TRIM27: variants seen among roughly 807,000 people sequenced by gnomAD.
TRIM27 encodes tripartite motif containing 27.
Under a neutral mutation model 57.6 loss-of-function variants are expected in TRIM27, and 12 were observed. The observed-to-expected ratio is 0.21, with a 90% confidence interval of 0.13 to 0.34. The LOEUF (loss-of-function observed/expected upper bound fraction) is 0.34. Among genes scored for constraint, TRIM27 ranks in the 10% least tolerant of loss-of-function variants. The pLI is 1.00. For synonymous variants in TRIM27, 266 were observed against 259.0 expected (o/e 1.03, Z -0.26); for missense variants, 403 against 656.8 (o/e 0.61, Z 4.22).
chr6:28,920,339 T>C (rs1015614958), intron 2 of TRIM27, 97 bp from the exon 3 acceptor site: 21 of 1,053,346 alleles, frequency 2.0e-5, no homozygotes, highest in African/African-American at 4.8e-5. Flanking sequence ...GACCTCATTA[T>C]GGATTAAAAC....
chr6:28,922,503 T>C (rs1774123665), intron 1 of TRIM27, among the ~76,000 whole-genome samples: 1 of 152,226 alleles, frequency 6.6e-6, no homozygotes, highest in African/African-American at 2.4e-5. Flanking sequence ...TACTCATATT[T>C]AAACACGGAC....
chr6:28,922,131 G>A, intron 1 of TRIM27, 144 bp from the exon 2 acceptor site: 1 of 630,540 alleles, frequency 1.6e-6, no homozygotes, highest in African/African-American at 1.8e-5. Context: ...CCACCCACAA[G>A]AGACTCAGGG....
At chr6:28,922,065 G>A (rs1398240183) in intron 1 of TRIM27, 78 bp from the exon 2 acceptor site, 1 of 1,069,324 alleles carries the variant, frequency 9.4e-7, no homozygotes, top group African/African-American at 1.6e-5. Flanking sequence ...ATCACACATG[G>A]AGTCCACACA....
intron 7 of TRIM27, chr6:28,905,714 C>T (rs1296381184): frequency 6.6e-6 from 1 of 152,108 alleles, no homozygotes; most frequent in Non-Finnish European, 1.5e-5. Context: ...ACTCTTTTAT[C>T]CATTCTATAA....
chr6:28,910,249 CA>C (rs761945400), intron 4 of TRIM27, among the ~76,000 whole-genome samples: 1 of 151,310 alleles, frequency 6.6e-6, no homozygotes, highest in Non-Finnish European at 1.5e-5. Context: ...GATGGTAGAA[CA>C]GTGAATGGGA....
Position 28,920,173 on chromosome 6 carries a change from G to A in TRIM27, c.586C>T (p.His196Tyr). Residue 196 changes from histidine to tyrosine, a missense_variant, in exon 3 of 8, where the codon CAT becomes TAT. His to Tyr is a moderately conservative substitution (Grantham distance 83). Transcript: ENST00000377199. ...AGGCGGGCCAGGAGGCGATACTCAT[G>A]CTCCTTTAAGGAGTGATACAGCTGC... ...FEQLYHSLKE[H>Y]EYRLLARLEE... The A allele has an allele frequency of 6.2e-7, 1 of 1,614,188 alleles. No individual in the cohort carries two copies. Among genetic ancestry groups the A allele is most frequent in the Non-Finnish European group, 8.5e-7 (1 of 1,180,014 alleles).
At position 28,904,993 on chromosome 6, in the gene TRIM27, A is replaced by C; in HGVS notation, c.947-328T>G. ...AGTGGTGTGGTCATAGTTCATTGTA[A>C]CCCCAAACTCCTGGGCTCAGGTGAT... On this transcript the variant is annotated intron_variant, in intron 7 of 7. Transcript: ENST00000377199. This position sits in a 1 kb window ranked among gnomAD's most constrained non-coding sequence, Gnocchi z 6.1. The C allele has an allele frequency of 3.3e-6, 1 of 298,650 alleles. No individual in the cohort carries two copies. The highest frequency in any genetic ancestry group is 5.5e-5 in the East Asian group (1 of 18,022). The allele number at this position is 298,650 out of a possible 1,614,324, so 18.5% of individuals were successfully genotyped here.
rs1318956959 is a variant in TRIM27 at position 28,904,914 on chromosome 6, T to C, written c.947-249A>G. 1 of 538,050 alleles carries C rather than the reference T, an allele frequency of 1.9e-6. No individual in the cohort carries two copies. The highest frequency in any genetic ancestry group is 1.9e-5 in the African/African-American group (1 of 53,178). The allele number at this position is 538,050 out of a possible 1,614,324, so 33.3% of individuals were successfully genotyped here. On this transcript the variant is annotated intron_variant, in intron 7 of 7. Transcript: ENST00000377199. The surrounding 1 kb of genome is among the most constrained non-coding windows in gnomAD (Gnocchi z 6.1). ...TTCACATCTGAAGCCACAATATCCATCATGAACTGATTTTAAGAGATAGGG... is the reference window on the plus strand; with the variant it reads ...TTCACATCTGAAGCCACAATATCCACCATGAACTGATTTTAAGAGATAGGG...
rs1402134364 is a variant in TRIM27 at position 28,923,368 on chromosome 6, G to A, written c.265C>T (p.Pro89Ser). 1.9e-6 allele frequency: 3 copies of A among 1,611,874 alleles called. No individual in the cohort carries two copies. Among genetic ancestry groups the A allele is most frequent in the Middle Eastern group, 1.6e-4 (1 of 6,080 alleles). Residue 89 changes from proline to serine, a missense_variant, in exon 1 of 8, where the codon CCC becomes TCC. Pro to Ser is a moderately conservative substitution (Grantham distance 74). Coordinates refer to ENST00000377199, the MANE Select transcript of TRIM27 (RefSeq NM_006510.5). Reference sequence around the variant, plus strand: ...TCGCACACGCCCATCTCGCCGCCGGGCCCCGACGGCCGCTCGGTGCGCAGC... The same window carrying A: ...TCGCACACGCCCATCTCGCCGCCGGACCCCGACGGCCGCTCGGTGCGCAGC... ...KQLRTERPSG[P>S]GGEMGVCEKH...
At position 28,907,265 on chromosome 6, in the gene TRIM27, GA is replaced by G; in HGVS notation, c.920-4del. On this transcript the variant is annotated splice_polypyrimidine_tract_variant and splice_region_variant and intron_variant, in intron 6 of 7. Transcript: ENST00000377199. ...GTATAACTGAGCCTCTCTTAATTCT[GA>G]AAGAATAAAAGAGCAAAGTTATGGA... 6.2e-7 allele frequency: 1 copy of G among 1,611,128 alleles called. No individual in the cohort carries two copies. The highest frequency in any genetic ancestry group is 8.5e-7 in the Non-Finnish European group (1 of 1,179,414).
intron 2 of TRIM27, among the ~76,000 whole-genome samples, chr6:28,920,524 C>T (rs1243830207): frequency 6.6e-6 from 1 of 152,102 alleles, no homozygotes; most frequent in Non-Finnish European, 1.5e-5. Context: ...GATAGGGTGA[C>T]AGCCTGCAAT....
rs1481894714 is a variant in TRIM27, at chr6:28,920,091, G to C, written c.668C>G (p.Ser223Cys). The change falls in exon 3 of 8, where the codon TCT (serine) becomes TGT (cysteine). Residue 223 changes from serine to cysteine, a missense_variant. Coordinates refer to ENST00000377199, the MANE Select transcript of TRIM27 (RefSeq NM_006510.5). ...GCTGCTGAGGTGGGAGATGTTGCAAGAGAACTGGGTGATGGCACCATTGAT... is the reference window on the plus strand; with the variant it reads ...GCTGCTGAGGTGGGAGATGTTGCAACAGAACTGGGTGATGGCACCATTGAT... ...NSINGAITQF[S>C]CNISHLSSLI... is the part of the protein sequence containing the mutation. 1.4e-5 allele frequency: 23 copies of C among 1,614,230 alleles called. No homozygotes were observed. Among genetic ancestry groups the C allele is most frequent in the Non-Finnish European group, 1.9e-5 (22 of 1,180,040 alleles).
intron 3 of TRIM27, among the ~76,000 whole-genome samples, chr6:28,913,249 CCA>C (rs1319398854): frequency 7.6e-6 from 1 of 131,568 alleles, no homozygotes; most frequent in Non-Finnish European, 1.6e-5. Flanking sequence ...GAGTGAAACT[CCA>C]TCTCAAAAAA....
intron 2 of TRIM27, among the ~76,000 whole-genome samples, chr6:28,921,253 C>T (rs755062658): frequency 2.5e-4 from 38 of 152,054 alleles, no homozygotes; most frequent in Non-Finnish European, 4.4e-4. Flanking sequence ...TGTTGGCGTA[C>T]GCCTGTAGCC....
At chr6:28,909,576 T>G (rs1163782217) in intron 4 of TRIM27, among the ~76,000 whole-genome samples, 1 of 152,224 alleles carries the variant, frequency 6.6e-6, no homozygotes. Context: ...GTACTCATTC[T>G]CATACCCCCC....
chr6:28,918,267 T>C (rs1773762427), intron 3 of TRIM27, among the ~76,000 whole-genome samples: 2 of 152,184 alleles, frequency 1.3e-5, no homozygotes, highest in African/African-American at 4.8e-5. Context: ...CATAATCCTG[T>C]CTCGTCTCTA....
At chr6:28,914,592 G>C (rs1450639865) in intron 3 of TRIM27, among the ~76,000 whole-genome samples, 1 of 103,784 alleles carries the variant, frequency 9.6e-6, no homozygotes, top group Non-Finnish European at 1.9e-5. Context: ...GGGGGGGGGG[G>C]GATGAGGGAT....
chr6:28,907,162 C>G, intron 7 of TRIM27, 74 bp downstream of exon 7: 1 of 1,376,826 alleles, frequency 7.3e-7, no homozygotes, highest in Non-Finnish European at 1.0e-6. Flanking sequence ...ATTTCCAAAT[C>G]ATTCATAATA....
chr6:28,903,716 A>G lies in TRIM27; in HGVS notation c.*354T>C, dbSNP rs1219854315. ...AGCCATAATCATTATGTGGGGCTGA[A>G]CCAGAGGAAGCCAGGCTGAGCCAAG... On this transcript the variant is annotated 3_prime_UTR_variant, in exon 8 of 8. Coordinates refer to ENST00000377199, the MANE Select transcript of TRIM27 (RefSeq NM_006510.5). 9.5e-6 allele frequency: 3 copies of G among 315,308 alleles called. No homozygotes were observed. Among genetic ancestry groups the G allele is most frequent in the Non-Finnish European group, 1.8e-5 (3 of 170,432 alleles). The allele number at this position is 315,308 out of a possible 1,614,324, so 19.5% of individuals were successfully genotyped here. A position where few individuals can be genotyped will look rare whatever the true frequency, so the allele number is the denominator to read the frequency against.
Sources: allele counts gnomAD v4.1 joint callset (sites outside exome capture counted in the v4.1 genomes callset), GRCh38; gene constraint gnomAD v4.1.1; non-coding constraint Gnocchi (gnomAD v3.1); transcripts MANE v1.5; gene names NCBI Gene and HGNC (gene_info 2026-07-23, HGNC 2026-07-21).